LAMA4: variants seen among roughly 807,000 people sequenced by gnomAD.
LAMA4 encodes laminin subunit alpha 4, also known as laminin subunit alpha-4.
In LAMA4, 127 loss-of-function variants were observed where a neutral mutation model predicts 207.1. The observed-to-expected ratio is 0.61, with a 90% CI of 0.53 to 0.71. The LOEUF (loss-of-function observed/expected upper bound fraction) is 0.71, where lower values mean the gene tolerates loss of function less well. LAMA4 is among the 30% of genes least tolerant of loss of function. LAMA4 has a pLI of 0.00. For missense variants in LAMA4, 2,093 were observed against 2,246.5 expected (o/e 0.93, Z 1.38); for synonymous variants, 761 against 816.0 (o/e 0.93, Z 1.15).
intron 32 of LAMA4, 84 bp downstream of exon 32, chr6:112,121,930 T>G: frequency 8.3e-7 from 1 of 1,209,280 alleles, no homozygotes; most frequent in Admixed American, 1.7e-5. Flanking sequence ...AAAGGAAAGA[T>G]GGGAAAAAAC....
chr6:112,125,352 G>C (rs969138), intron 31 of LAMA4, among the ~76,000 whole-genome samples: 140,348 of 152,250 alleles, frequency 0.92, 64,867 homozygotes, highest in East Asian at 1. Context: ...TCTGATAGCC[G>C]AGCTTCGTGC....
At position 112,120,268 on chromosome 6, in the gene LAMA4, C is replaced by G. The variant is rs377415750; in HGVS notation, c.4665+15G>C. The G allele has an allele frequency of 6.2e-7, 1 of 1,609,636 alleles. No individual in the cohort carries two copies. The highest frequency in any genetic ancestry group is 8.5e-7 in the Non-Finnish European group (1 of 1,177,048). On this transcript the variant is annotated intron_variant, in intron 33 of 38. Coordinates refer to ENST00000230538, the MANE Select transcript of LAMA4 (RefSeq NM_001105206.3). ...AGCTATTTGCTGGTAATGCTGTTCT[C>G]TGCCTTCAACTTACATCATGCCACA...
chr6:112,233,107 G>A (rs1387433503), intron 2 of LAMA4, among the ~76,000 whole-genome samples: 1 of 152,154 alleles, frequency 6.6e-6, no homozygotes, highest in African/African-American at 2.4e-5. Context: ...CTCGCAGCAC[G>A]GAGCTCCTGG....
chr6:112,139,338 T>C (rs1554332440), intron 23 of LAMA4, 47 bp from the exon 24 acceptor site: 5 of 1,605,562 alleles, frequency 3.1e-6, no homozygotes, highest in Admixed American at 1.7e-5. Context: ...GTTTCTGTTA[T>C]GCTTTTCAAG....
At chr6:112,182,706 G>A (rs539625271) in intron 9 of LAMA4, among the ~76,000 whole-genome samples, 10 of 152,218 alleles carry the variant, frequency 6.6e-5, no homozygotes, top group Admixed American at 6.5e-4. Context: ...TCTGGGCTCT[G>A]CAGTGGACCT....
At position 112,214,143 on chromosome 6, in the gene LAMA4, T is replaced by A. The variant is rs910944171; in HGVS notation, c.297+2225A>T. On this transcript the variant is annotated intron_variant, in intron 3 of 38. Coordinates refer to ENST00000230538, the MANE Select transcript of LAMA4 (RefSeq NM_001105206.3). ...AGTGTGACACCACAGACTTAACATA[T>A]TTGCAACTAAGTGAAATAAAAAATT... is the stretch of plus-strand genomic sequence containing the variant. The A allele has an allele frequency of 7.4e-5, 41 of 554,440 alleles. No homozygotes were observed. The African/African-American group carries it at 7.7e-4, about 10-fold the overall frequency. The allele number at this position is 554,440 out of a possible 1,614,324, so 34.3% of individuals were successfully genotyped here.
intron 2 of LAMA4, among the ~76,000 whole-genome samples, chr6:112,231,501 A>T (rs1256350074): frequency 1.3e-5 from 2 of 152,234 alleles, no homozygotes; most frequent in Admixed American, 6.5e-5. Flanking sequence ...TATAGTGTAG[A>T]TAGAAATAGA....
At position 112,158,274 on chromosome 6, in the gene LAMA4, C is replaced by T. The variant is rs1202543743; in HGVS notation, c.1817+458G>A. On this transcript the variant is annotated intron_variant, in intron 14 of 38. Coordinates refer to ENST00000230538, the MANE Select transcript of LAMA4 (RefSeq NM_001105206.3). ...AGAAGTCAGTTATATTGCCAATTCC[C>T]GACCAGTTTTACTTAAGACACTTGG... 4.9e-5 allele frequency: 9 copies of T among 182,558 alleles called. No homozygotes were observed. In the East Asian group the frequency reaches 7.7e-4, roughly 16 times the overall value. 11.3% of individuals were successfully genotyped at this position (182,558 alleles called of 1,614,324 possible).
At chr6:112,254,360 C>G in intron 1 of LAMA4, 69 bp from the exon 2 acceptor site, 1 of 613,378 alleles carries the variant, frequency 1.6e-6, no homozygotes, top group Non-Finnish European at 2.9e-6. Flanking sequence ...TCTCTCTCTC[C>G]CCTTCTCCCC....
intron 4 of LAMA4, among the ~76,000 whole-genome samples, chr6:112,206,367 C>T (rs1339423823): frequency 6.6e-6 from 1 of 152,304 alleles, no homozygotes; most frequent in Admixed American, 6.5e-5. Flanking sequence ...ATTTGGAAAA[C>T]CATATATCAC....
At chr6:112,182,442 A>G (rs1782424009) in intron 9 of LAMA4, among the ~76,000 whole-genome samples, 2 of 152,212 alleles carry the variant, frequency 1.3e-5, no homozygotes, top group Non-Finnish European at 2.9e-5. Flanking sequence ...AATTTTTCCA[A>G]ATATTTTTAA....
At position 112,117,914 on chromosome 6, in the gene LAMA4, A is replaced by G; in HGVS notation, c.4822-16T>C. 2 of 1,610,976 alleles carry G rather than the reference A, an allele frequency of 1.2e-6. No homozygotes were observed. ...TGGAGTTAATCTGAGGGAAGAAGATATTTCTTAAAATCAATTTTCTCAACA... is the reference window on the plus strand; with the variant it reads ...TGGAGTTAATCTGAGGGAAGAAGATGTTTCTTAAAATCAATTTTCTCAACA... On this transcript the variant is annotated splice_polypyrimidine_tract_variant and intron_variant, in intron 34 of 38. Coordinates refer to ENST00000230538, the MANE Select transcript of LAMA4 (RefSeq NM_001105206.3). This position sits in a 1 kb window ranked among gnomAD's most constrained non-coding sequence, Gnocchi z 4.5.
Position 112,140,765 on chromosome 6 carries a change from A to C in LAMA4, c.2971T>G (p.Phe991Val). The change falls in exon 22 of 39, where the codon TTC becomes GTC. Residue 991 changes from phenylalanine (F) to valine (V), a missense_variant. Transcript: ENST00000230538. The stretch of plus-strand genomic sequence containing the variant: ...AATATAGCTGTATGGCTGACCTTGA[A>C]GTTGGAAGGCACTCCACCAACATAA... Reference protein sequence around the residue: ...VFYVGGVPSNFKLPTSLNLPG... With the variant: ...VFYVGGVPSNVKLPTSLNLPG... 6.2e-7 allele frequency: 1 copy of C among 1,613,870 alleles called. No individual in the cohort carries two copies. Among genetic ancestry groups the C allele is most frequent in the Non-Finnish European group, 8.5e-7 (1 of 1,179,830 alleles).
intron 2 of LAMA4, among the ~76,000 whole-genome samples, chr6:112,249,968 A>C (rs182741245): frequency 6.6e-6 from 1 of 152,310 alleles, no homozygotes; most frequent in Admixed American, 6.5e-5. Context: ...TATAATGGCC[A>C]CTTATTTTTT....
intron 2 of LAMA4, among the ~76,000 whole-genome samples, chr6:112,252,548 T>A (rs1554190083): frequency 6.6e-6 from 1 of 152,232 alleles, no homozygotes; most frequent in Non-Finnish European, 1.5e-5. Flanking sequence ...AATTTTAATA[T>A]AAATATGTCC....
At chr6:112,164,560 T>C (rs1386433745) in intron 13 of LAMA4, among the ~76,000 whole-genome samples, 3 of 152,148 alleles carry the variant, frequency 2.0e-5, no homozygotes, top group Non-Finnish European at 4.4e-5. Flanking sequence ...GGGAGTCAGT[T>C]TGGAGAGAAA....
intron 2 of LAMA4, among the ~76,000 whole-genome samples, chr6:112,221,268 G>T (rs12111523): frequency 0.055 from 8,344 of 152,176 alleles, 303 homozygotes; most frequent in East Asian, 0.15. Flanking sequence ...TACAGCCCTA[G>T]TGTCTATTCT....
rs1026876962 is a variant in LAMA4 at position 112,136,045 on chromosome 6, A to G, written c.3414+78T>C. On this transcript the variant is annotated intron_variant, in intron 25 of 38. Coordinates refer to ENST00000230538, the MANE Select transcript of LAMA4 (RefSeq NM_001105206.3). ...GTTTATTTACCATCCTGCCTGTCTCATTTGACTGCCTGATTAGATCAACAG... is the reference window on the plus strand; with the variant it reads ...GTTTATTTACCATCCTGCCTGTCTCGTTTGACTGCCTGATTAGATCAACAG... The G allele has an allele frequency of 4.5e-6, 6 of 1,340,488 alleles. No homozygotes were observed. In the African/African-American group the frequency reaches 7.2e-5, roughly 16 times the overall value. The allele number at this position is 1,340,488 out of a possible 1,614,324, so 83.0% of individuals were successfully genotyped here.
rs540596354 is a variant in LAMA4 at position 112,229,337 on chromosome 6, C to G, written c.196-12868G>C. ...TTCCTCTCCTCCTCTTTAAATAACC[C>G]TAATCCTCCTCAGCCTTCTTCAGGC... On this transcript the variant is annotated intron_variant, in intron 2 of 38. Coordinates refer to ENST00000230538, the MANE Select transcript of LAMA4 (RefSeq NM_001105206.3). 6.6e-5 allele frequency among the ~76,000 whole-genome samples: 10 copies of G among 152,262 alleles called. 1 individual carries two copies. Among genetic ancestry groups the G allele is most frequent in the African/African-American group, 2.4e-4 (10 of 41,550 alleles).
Sources: allele counts gnomAD v4.1 joint callset (sites outside exome capture counted in the v4.1 genomes callset), GRCh38; gene constraint gnomAD v4.1.1; non-coding constraint Gnocchi (gnomAD v3.1); transcripts MANE v1.5; gene names NCBI Gene and HGNC (gene_info 2026-07-23, HGNC 2026-07-21).